The following SMC2 variants were observed in gnomAD, a reference collection of about 807,000 sequenced individuals.
SMC2 encodes the protein structural maintenance of chromosomes protein 2.
In SMC2, 41 loss-of-function variants were observed where a neutral mutation model predicts 142.6. The ratio of observed to expected loss-of-function variants is 0.29; its 90% CI spans 0.22 to 0.37. The LOEUF (loss-of-function observed/expected upper bound fraction) is 0.37, where lower values mean the gene tolerates loss of function less well. Ranked by LOEUF, SMC2 falls within the 10% of genes least tolerant of loss-of-function variation. The probability of loss-of-function intolerance (pLI) is 1.00; values close to 1 mark genes in which losing one functional copy is unlikely to be tolerated. For synonymous variants in SMC2, 463 were observed against 457.5 expected (o/e 1.01, Z -0.15); for missense variants, 1,265 against 1,373.7 (o/e 0.92, Z 1.25).
chr9:104,111,512 G>A lies in SMC2; in HGVS notation c.1021-69G>A, dbSNP rs1010459994. 4 of 863,496 alleles carry A rather than the reference G, an allele frequency of 4.6e-6. No individual in the cohort carries two copies. The African/African-American group carries it at 6.8e-5, about 15-fold the overall frequency. 53.5% of individuals were successfully genotyped at this position (863,496 alleles called of 1,614,324 possible). A position where few individuals can be genotyped will look rare whatever the true frequency, so the allele number is the denominator to read the frequency against. ...TGCTATGGAATTTTATTACATAAGG[G>A]TATGCGTATAAGAAAGTGGGTGTTT... On this transcript the variant is annotated intron_variant, in intron 9 of 24. Coordinates refer to ENST00000374793, the MANE Select transcript of SMC2 (RefSeq NM_006444.3).
intron 9 of SMC2, among the ~76,000 whole-genome samples, chr9:104,107,743 A>G (rs144998748): frequency 1.6e-3 from 246 of 152,330 alleles, no homozygotes; most frequent in African/African-American, 5.6e-3. Context: ...GCCTGTGACT[A>G]TCCATTAGTC....
At chr9:104,137,897 T>TA in intron 23 of SMC2, 121 bp from the exon 24 acceptor site, 1 of 545,870 alleles carries the variant, frequency 1.8e-6, no homozygotes, top group Non-Finnish European at 2.9e-6. Context: ...TTCTTTTTTT[T>TA]ATATGACTAC....
At chr9:104,126,871 C>T (rs1259972557) in intron 19 of SMC2, 87 bp downstream of exon 19, 13 of 1,277,258 alleles carry the variant, frequency 1.0e-5, no homozygotes, top group Non-Finnish European at 1.4e-5. Context: ...TTAGTGTTCT[C>T]AGTCTTTTCA....
Position 104,113,495 on chromosome 9 carries a change from A to C in SMC2, c.1414+20A>C. On this transcript the variant is annotated intron_variant, in intron 11 of 24. Transcript: ENST00000374793. ...ATGAAGGTTTGCCTTTAAAAACATGATAATCAGATCATGAGGAGGTAGTGA... is the reference window on the plus strand; with the variant it reads ...ATGAAGGTTTGCCTTTAAAAACATGCTAATCAGATCATGAGGAGGTAGTGA... 1 of 1,575,432 alleles carries C rather than the reference A, an allele frequency of 6.3e-7. No homozygotes were observed. Among genetic ancestry groups the C allele is most frequent in the Non-Finnish European group, 8.6e-7 (1 of 1,164,122 alleles).
chr9:104,096,338 A>G, intron 3 of SMC2, 41 bp downstream of exon 3: 2 of 1,594,412 alleles, frequency 1.3e-6, no homozygotes, highest in Non-Finnish European at 8.6e-7. Context: ...AAGACCTTTT[A>G]TGTCTGATGT....
intron 9 of SMC2, 114 bp downstream of exon 9, chr9:104,102,687 A>G: frequency 8.8e-7 from 1 of 1,130,492 alleles, no homozygotes; most frequent in Non-Finnish European, 1.2e-6. Flanking sequence ...AGCTAAGTAC[A>G]GTTGTTTGGG....
At chr9:104,099,232 C>T (rs2131300092) in intron 4 of SMC2, among the ~76,000 whole-genome samples, 1 of 151,966 alleles carries the variant, frequency 6.6e-6, no homozygotes. Flanking sequence ...TTGTTTGAGG[C>T]CTAGAAGTAT....
In SMC2 at chr9:104,118,189, C is replaced by A; in HGVS notation, c.1810C>A (p.His604Asn). ...AQNLVGPDNV[H>N]VALSLVEYKP... ...CCCACAGGTTGGCCCTGACAACGTT[C>A]ATGTGGCTCTTTCCTTGGTTGAATA... Residue 604 changes from histidine (H) to asparagine (N), a missense_variant, in exon 15 of 25, where the codon CAT becomes AAT. His to Asn is a moderately conservative substitution (Grantham distance 68). This residue lies in a region of SMC2 where 898 missense variants were observed against 904.2 expected (regional missense o/e 0.99). Coordinates refer to ENST00000374793, the MANE Select transcript of SMC2 (RefSeq NM_006444.3). 2 of 1,613,752 alleles carry A rather than the reference C, an allele frequency of 1.2e-6. No individual in the cohort carries two copies. The highest frequency in any genetic ancestry group is 2.2e-5 in the South Asian group (2 of 91,032).
chr9:104,096,185 A>G lies in SMC2; in HGVS notation c.206A>G (p.Asn69Ser), dbSNP rs777307453. The stretch of plus-strand genomic sequence containing the variant: ...AATTTACAAGATTTAGTTTACAAAA[A>G]TGGGCAGGCTGGTATTACCAAAGCC... ...ASNLQDLVYK[N>S]GQAGITKASV... Residue 69 changes from asparagine (N) to serine (S), a missense_variant, in exon 3 of 25, where the codon AAT becomes AGT. This residue lies in a region of SMC2 where 168 missense variants were observed against 184.8 expected (regional missense o/e 0.91). Coordinates refer to ENST00000374793, the MANE Select transcript of SMC2 (RefSeq NM_006444.3). 2 of 1,613,920 alleles carry G rather than the reference A, an allele frequency of 1.2e-6. No individual in the cohort carries two copies. Among genetic ancestry groups the G allele is most frequent in the South Asian group, 1.1e-5 (1 of 91,064 alleles).
At chr9:104,095,063 A>G (rs530371294) in intron 1 of SMC2, among the ~76,000 whole-genome samples, 28 of 152,206 alleles carry the variant, frequency 1.8e-4, no homozygotes, top group Non-Finnish European at 4.1e-4. Flanking sequence ...GTTTAGGTAG[A>G]GTATGATAAA....
At chr9:104,103,644 G>A (rs998498449) in intron 9 of SMC2, among the ~76,000 whole-genome samples, 5 of 152,186 alleles carry the variant, frequency 3.3e-5, no homozygotes, top group African/African-American at 4.8e-5. Context: ...TCACATGTAG[G>A]TAGATGAGTA....
chr9:104,123,273 C>G, intron 17 of SMC2, 41 bp downstream of exon 17: 3 of 1,591,884 alleles, frequency 1.9e-6, no homozygotes, highest in Non-Finnish European at 2.6e-6. Context: ...TGGTTTTATT[C>G]ATATCCGTTA....
chr9:104,135,670 G>A (rs559606714), intron 23 of SMC2, among the ~76,000 whole-genome samples: 2 of 152,236 alleles, frequency 1.3e-5, no homozygotes, highest in African/African-American at 2.4e-5. Context: ...GATAGGAGAA[G>A]AATCCTAAAA....
intron 16 of SMC2, among the ~76,000 whole-genome samples, 160 bp downstream of exon 16, chr9:104,120,322 C>T (rs1833588509): frequency 6.6e-6 from 1 of 152,056 alleles, no homozygotes; most frequent in South Asian, 2.1e-4. Flanking sequence ...TACCATTTAT[C>T]CATTTTTTTC....
In SMC2 at chr9:104,096,183, A is replaced by G. The variant is rs926018056; in HGVS notation, c.204A>G (p.Lys68=). ...RASNLQDLVY[K]NGQAGITKAS... ...CTAATTTACAAGATTTAGTTTACAA[A>G]AATGGGCAGGCTGGTATTACCAAAG... Residue 68 remains lysine, a synonymous_variant, in exon 3 of 25, where the codon AAA becomes AAG. Coordinates refer to ENST00000374793, the MANE Select transcript of SMC2 (RefSeq NM_006444.3). The G allele has an allele frequency of 5.0e-6, 8 of 1,613,786 alleles. No homozygotes were observed. The highest frequency in any genetic ancestry group is 6.8e-6 in the Non-Finnish European group (8 of 1,179,890).
At chr9:104,100,566 C>T in intron 7 of SMC2, 133 bp downstream of exon 7, 1 of 586,370 alleles carries the variant, frequency 1.7e-6, no homozygotes, top group Non-Finnish European at 3.0e-6. Flanking sequence ...TTAGAGTTGG[C>T]ACTCCATAAC....
chr9:104,102,760 G>A (rs191989601), intron 9 of SMC2, among the ~76,000 whole-genome samples, 187 bp downstream of exon 9: 2 of 152,080 alleles, frequency 1.3e-5, no homozygotes, highest in Non-Finnish European at 1.5e-5. Flanking sequence ...ATTCCATTGG[G>A]GGAAATGATA....
chr9:104,092,229 AT>A (rs1829994833), upstream of SMC2: 1 of 152,140 alleles, frequency 6.6e-6, no homozygotes, highest in African/African-American at 2.4e-5. Flanking sequence ...CTTTATAAGC[AT>A]TTTTCATTTT....
In SMC2 at chr9:104,096,129, T is replaced by G. The variant is rs766803731; in HGVS notation, c.169-19T>G. On this transcript the variant is annotated intron_variant, in intron 2 of 24. Coordinates refer to ENST00000374793, the MANE Select transcript of SMC2 (RefSeq NM_006444.3). ...GTAGGGAGTTTTGTAATTGTTACAC[T>G]TTTCATATTTTATTTTAGGTTCGGG... 6.2e-7 allele frequency: 1 copy of G among 1,607,882 alleles called. No homozygotes were observed. The highest frequency in any genetic ancestry group is 1.1e-5 in the South Asian group (1 of 90,800).
Sources: gnomAD v4.1 joint callset for allele counts (sites outside exome capture counted in the v4.1 genomes callset) on GRCh38, gnomAD v4.1.1 for gene constraint, gnomAD v4.1.1 regional missense constraint, MANE v1.5 for transcripts, NCBI Gene and HGNC (gene_info 2026-07-23, HGNC 2026-07-21) for gene names.